The following TMEM201 variants were observed in gnomAD, a reference collection of about 807,000 sequenced individuals.
The protein encoded by TMEM201 is transmembrane protein 201.
TMEM201 carries 26 observed loss-of-function variants against 63.4 expected under a neutral mutation model. The observed-to-expected ratio is 0.41, with a 90% CI of 0.30 to 0.57. The LOEUF is 0.57. Among genes scored for constraint, TMEM201 ranks in the 20% least tolerant of loss-of-function variants. TMEM201 has a pLI of 0.29. For missense variants in TMEM201, 794 were observed against 917.7 expected (o/e 0.87, Z 1.74); for synonymous variants, 417 against 421.6 (o/e 0.99, Z 0.14).
Position 9,602,081 on chromosome 1 carries a change from C to A in TMEM201, c.969C>A (p.Ile323=), listed in dbSNP as rs781081301. The stretch of plus-strand genomic sequence containing the variant: ...GCTTCCCTTTCAGGCTCCGGAGGAT[C>A]GATGCCTTCTGCACCTGCCTGTGGG... ...LLAGRIRLRR[I]DAFCTCLWAL... is the part of the protein sequence containing the mutation. Residue 323 remains isoleucine (I), a synonymous_variant, in exon 6 of 11, where the codon ATC becomes ATA. Transcript: ENST00000340381. 1.9e-6 allele frequency: 3 copies of A among 1,611,594 alleles called. No individual in the cohort carries two copies. The highest frequency in any genetic ancestry group is 1.3e-5 in the African/African-American group (1 of 74,898).
At position 9,607,743 on chromosome 1, in the gene TMEM201, C is replaced by T. The variant is rs1294491449; in HGVS notation, c.1347C>T (p.Leu449=). Residue 449 remains leucine, a synonymous_variant, in exon 7 of 11, where the codon CTC becomes CTT. Transcript: ENST00000340381. The surrounding 1 kb of genome is among the most constrained non-coding windows in gnomAD (Gnocchi z 5.4). ...CACCCTCCTCATTGCCTGGCCGCCT[C>T]AGCCGGGCCCTCTCTCTGGGAACCA... The part of the protein sequence containing the change: ...RTSPSSLPGR[L]SRALSLGTIP... The T allele has an allele frequency of 6.4e-6, 10 of 1,551,668 alleles. No individual in the cohort carries two copies. The highest frequency in any genetic ancestry group is 1.4e-5 in the African/African-American group (1 of 73,052).
intron 1 of TMEM201, among the ~76,000 whole-genome samples, chr1:9,592,128 T>C (rs935123672): frequency 6.6e-6 from 1 of 152,244 alleles, no homozygotes; most frequent in East Asian, 1.9e-4. Flanking sequence ...ATGTTTTGCT[T>C]GGAGATGGGC....
In TMEM201 at chr1:9,610,605, G is replaced by A. The variant is rs751162879; in HGVS notation, c.1565G>A (p.Arg522His). The stretch of plus-strand genomic sequence containing the variant: ...GTGGCCTCCAGCTCCGGCTCTCTGC[G>A]CCACCGCAGGCCCCTCATCAGCCCT... Reference protein sequence around the residue: ...GSVASSSGSLRHRRPLISPAR... With the variant: ...GSVASSSGSLHHRRPLISPAR... Residue 522 changes from arginine (R) to histidine (H), a missense_variant, in exon 9 of 11, where the codon CGC becomes CAC. Arg to His is a conservative substitution (Grantham distance 29). Coordinates refer to ENST00000340381, the MANE Select transcript of TMEM201 (RefSeq NM_001130924.3). This position sits in a 1 kb window ranked among gnomAD's most constrained non-coding sequence, Gnocchi z 4.9. The A allele has an allele frequency of 3.2e-6, 5 of 1,550,276 alleles. No homozygotes were observed. Among genetic ancestry groups the A allele is most frequent in the African/African-American group, 1.4e-5 (1 of 73,064 alleles).
intron 1 of TMEM201, among the ~76,000 whole-genome samples, chr1:9,591,800 G>A (rs1320119034): frequency 1.3e-5 from 2 of 152,218 alleles, no homozygotes; most frequent in African/African-American, 2.4e-5. Flanking sequence ...CTGCTGCTGC[G>A]CACTCTCCCT....
At chr1:9,611,727 T>G (rs1481975731) in intron 9 of TMEM201, 26 bp from the exon 10 acceptor site, 2 of 1,550,872 alleles carry the variant, frequency 1.3e-6, no homozygotes, top group African/African-American at 2.7e-5. Context: ...TGAGCGCCAC[T>G]GAGAAACACA....
At chr1:9,609,684 C>T (rs1012991418) in intron 7 of TMEM201, among the ~76,000 whole-genome samples, 156 bp from the exon 8 acceptor site, 1 of 152,214 alleles carries the variant, frequency 6.6e-6, no homozygotes, top group Non-Finnish European at 1.5e-5. Flanking sequence ...CAGCAGCCCT[C>T]AGACAGCAGT....
At position 9,607,766 on chromosome 1, in the gene TMEM201, C is replaced by T; in HGVS notation, c.1370C>T (p.Thr457Ile). Residue 457 changes from threonine (T) to isoleucine (I), a missense_variant, in exon 7 of 11, where the codon ACC (threonine) becomes ATC (isoleucine). Coordinates refer to ENST00000340381, the MANE Select transcript of TMEM201 (RefSeq NM_001130924.3). The surrounding 1 kb of genome is among the most constrained non-coding windows in gnomAD (Gnocchi z 5.4). Reference sequence around the variant, plus strand: ...CTCAGCCGGGCCCTCTCTCTGGGAACCATACCCTCTCTGACTCGAGCAGGT... The same window carrying T: ...CTCAGCCGGGCCCTCTCTCTGGGAATCATACCCTCTCTGACTCGAGCAGGT... ...GRLSRALSLGTIPSLTRADSG... is the reference protein window; with the variant it reads ...GRLSRALSLGIIPSLTRADSG... 1 of 1,551,630 alleles carries T rather than the reference C, an allele frequency of 6.4e-7. No individual in the cohort carries two copies. The highest frequency in any genetic ancestry group is 8.7e-7 in the Non-Finnish European group (1 of 1,147,054).
chr1:9,601,180 C>A lies in TMEM201; in HGVS notation c.682C>A (p.Leu228Ile). The A allele has an allele frequency of 6.2e-7, 1 of 1,612,518 alleles. No individual in the cohort carries two copies. The change falls in exon 5 of 11, where the codon CTA becomes ATA. Residue 228 changes from leucine to isoleucine, a missense_variant. Physicochemically the swap from Leu to Ile is conservative, Grantham distance 5 (BLOSUM62 2). Transcript: ENST00000340381. Reference protein sequence around the residue: ...RALAFLACAFLLTTALYGASG... With the variant: ...RALAFLACAFILTTALYGASG... Reference sequence around the variant, plus strand: ...CCTCGCCTTCCTGGCCTGCGCCTTCCTACTGACCACCGCGCTGTATGGGGC... The same window carrying A: ...CCTCGCCTTCCTGGCCTGCGCCTTCATACTGACCACCGCGCTGTATGGGGC...
At position 9,603,307 on chromosome 1, in the gene TMEM201, C is replaced by T. The variant is rs1372534408; in HGVS notation, c.1160+1035C>T. The stretch of plus-strand genomic sequence containing the variant: ...ATGAGGTGGACCCCTCTCCATAGCC[C>T]TTGGGTGCCAGCTCAGTGGGTGTGG... On this transcript the variant is annotated intron_variant, in intron 6 of 10. Coordinates refer to ENST00000340381, the MANE Select transcript of TMEM201 (RefSeq NM_001130924.3). The surrounding 1 kb of genome is among the most constrained non-coding windows in gnomAD (Gnocchi z 4.5). The T allele has an allele frequency of 7.1e-6, 7 of 984,948 alleles. No individual in the cohort carries two copies. Among genetic ancestry groups the T allele is most frequent in the Non-Finnish European group, 8.4e-6 (7 of 829,468 alleles). 61.0% of individuals were successfully genotyped at this position (984,948 alleles called of 1,614,324 possible).
rs890391985 is a variant in TMEM201, at chr1:9,603,937, C to T, written c.1160+1665C>T. The T allele has an allele frequency of 6.2e-5, 61 of 985,344 alleles. No homozygotes were observed. Among genetic ancestry groups the T allele is most frequent in the Non-Finnish European group, 6.9e-5 (57 of 829,964 alleles). The allele number at this position is 985,344 out of a possible 1,614,324, so 61.0% of individuals were successfully genotyped here. A position where few individuals can be genotyped will look rare whatever the true frequency, so the allele number is the denominator to read the frequency against. On this transcript the variant is annotated intron_variant, in intron 6 of 10. Coordinates refer to ENST00000340381, the MANE Select transcript of TMEM201 (RefSeq NM_001130924.3). The surrounding 1 kb of genome is among the most constrained non-coding windows in gnomAD (Gnocchi z 4.5). ...CTCTGAAAAGATGTGGTCGGGGCCA[C>T]GCTTCCCACTGGTTCTGCAGTGAGG...
intron 10 of TMEM201, 63 bp downstream of exon 10, chr1:9,611,953 CA>C (rs1283630497): frequency 1.9e-5 from 28 of 1,463,934 alleles, no homozygotes; most frequent in Admixed American, 2.6e-5. Flanking sequence ...CCATCTCCCC[CA>C]GGGGGGTCCA....
rs1644207607 is a variant in TMEM201 at position 9,604,531 on chromosome 1, C to G, written c.1160+2259C>G. On this transcript the variant is annotated intron_variant, in intron 6 of 10. Transcript: ENST00000340381. This position sits in a 1 kb window ranked among gnomAD's most constrained non-coding sequence, Gnocchi z 4.1. Reference sequence around the variant, plus strand: ...TGGCTTGTTGACCGGGAATGTGTCACCCCTGCCAGGGAACTCTTCTCCTCG... The same window carrying G: ...TGGCTTGTTGACCGGGAATGTGTCAGCCCTGCCAGGGAACTCTTCTCCTCG... 1 of 985,306 alleles carries G rather than the reference C, an allele frequency of 1.0e-6. No individual in the cohort carries two copies. The highest frequency in any genetic ancestry group is 4.7e-5 in the South Asian group (1 of 21,288). 61.0% of individuals were successfully genotyped at this position (985,306 alleles called of 1,614,324 possible).
intron 4 of TMEM201, 92 bp downstream of exon 4, chr1:9,598,717 G>C: frequency 8.2e-7 from 1 of 1,216,092 alleles, no homozygotes; most frequent in Non-Finnish European, 1.1e-6. Context: ...CCAGAGGGTA[G>C]CTCTTCAGAG....
rs1219800322 is a variant in TMEM201, at chr1:9,604,729, G to A, written c.1160+2457G>A. The A allele has an allele frequency of 2.5e-5, 25 of 985,842 alleles. No individual in the cohort carries two copies. The highest frequency in any genetic ancestry group is 1.1e-4 in the East Asian group (1 of 8,832). 61.1% of individuals were successfully genotyped at this position (985,842 alleles called of 1,614,324 possible). A position where few individuals can be genotyped will look rare whatever the true frequency, so the allele number is the denominator to read the frequency against. ...CGTACCCCTTGCCTGGGAGCAAACCGCCAGGACGCAGCCTCCACGCCGCAC... is the reference window on the plus strand; with the variant it reads ...CGTACCCCTTGCCTGGGAGCAAACCACCAGGACGCAGCCTCCACGCCGCAC... On this transcript the variant is annotated intron_variant, in intron 6 of 10. Coordinates refer to ENST00000340381, the MANE Select transcript of TMEM201 (RefSeq NM_001130924.3). The surrounding 1 kb of genome is among the most constrained non-coding windows in gnomAD (Gnocchi z 4.1).
intron 6 of TMEM201, 181 bp downstream of exon 6, chr1:9,602,453 C>G (rs911342846): frequency 9.7e-6 from 14 of 1,441,914 alleles, no homozygotes; most frequent in Non-Finnish European, 1.3e-5. Context: ...AGTCAGTCTG[C>G]CCTGCCTTTT....
At chr1:9,597,075 A>G (rs1307159250) in intron 3 of TMEM201, 22 bp downstream of exon 3, 2 of 1,588,170 alleles carry the variant, frequency 1.3e-6, no homozygotes. Context: ...TTGGGAGGGC[A>G]GGGGTCCTGG....
chr1:9,595,767 C>T, intron 1 of TMEM201, 123 bp from the exon 2 acceptor site: 1 of 1,430,748 alleles, frequency 7.0e-7, no homozygotes, highest in Non-Finnish European at 9.5e-7. Context: ...AGCTTTGCAT[C>T]CCCAGATCCC....
In TMEM201 at chr1:9,601,461, A is replaced by G. The variant is rs753487216; in HGVS notation, c.956+7A>G. ...TGCTGGCTGGCCGCATCAGGTGTGC[A>G]TGGGGCCAGGGCCAGGAGTTGGCGG... On this transcript the variant is annotated splice_region_variant and intron_variant, in intron 5 of 10. Transcript: ENST00000340381. The G allele has an allele frequency of 3.2e-6, 5 of 1,576,558 alleles. No individual in the cohort carries two copies. The highest frequency in any genetic ancestry group is 1.3e-5 in the African/African-American group (1 of 74,786).
In TMEM201 at chr1:9,610,434, A is replaced by C. The variant is rs1167460261; in HGVS notation, c.1466-72A>C. On this transcript the variant is annotated intron_variant, in intron 8 of 10. Coordinates refer to ENST00000340381, the MANE Select transcript of TMEM201 (RefSeq NM_001130924.3). This position sits in a 1 kb window ranked among gnomAD's most constrained non-coding sequence, Gnocchi z 4.9. ...CGGGTTAATAGAAGAATGCCCCCAG[A>C]AATGAAATAGCGCATTGTAGCGTTG... 2.9e-6 allele frequency: 4 copies of C among 1,368,326 alleles called. No individual in the cohort carries two copies. The Admixed American group carries it at 1.1e-4, about 37-fold the overall frequency. 84.8% of individuals were successfully genotyped at this position (1,368,326 alleles called of 1,614,324 possible).
Sources: gnomAD v4.1 joint callset for allele counts (sites outside exome capture counted in the v4.1 genomes callset) on GRCh38, gnomAD v4.1.1 for gene constraint, Gnocchi (gnomAD v3.1) non-coding constraint, MANE v1.5 for transcripts, NCBI Gene and HGNC (gene_info 2026-07-23, HGNC 2026-07-21) for gene names.